The following ARHGEF28 variants were observed in gnomAD, a reference collection of about 807,000 sequenced individuals.
The protein encoded by ARHGEF28 is 190 kDa guanine nucleotide exchange factor.
A neutral mutation model predicts 206.6 loss-of-function variants in ARHGEF28; 152 were observed. The observed-to-expected ratio is 0.74, with a 90% confidence interval of 0.64 to 0.84. ARHGEF28 has a LOEUF of 0.84. ARHGEF28 is among the 40% of genes least tolerant of loss of function. The pLI, the probability that ARHGEF28 is intolerant of heterozygous loss-of-function variation, is 0.00. For missense variants in ARHGEF28, 2,028 were observed against 2,073.2 expected, an observed-to-expected ratio of 0.98 and a Z score of 0.42; for synonymous variants, 763 against 776.4, an observed-to-expected ratio of 0.98 and a Z score of 0.29.
At chr5:73,842,592 G>C (rs1366738409) in intron 11 of ARHGEF28, among the ~76,000 whole-genome samples, 1 of 152,110 alleles carries the variant, frequency 6.6e-6, no homozygotes, top group African/African-American at 2.4e-5. Flanking sequence ...CGTCTGCTTG[G>C]GACAAGAGAC....
Position 73,940,999 on chromosome 5 carries a change from ATTG to A in ARHGEF28, c.5107_5109del (p.Val1703del). 6.6e-7 allele frequency: 1 copy of A among 1,516,190 alleles called. No individual in the cohort carries two copies. The highest frequency in any genetic ancestry group is 8.8e-7 in the Non-Finnish European group (1 of 1,140,924). The allele number at this position is 1,516,190 out of a possible 1,614,324, so 93.9% of individuals were successfully genotyped here. On this transcript the variant is annotated inframe_deletion, in exon 36 of 36. Coordinates refer to ENST00000513042, the MANE Select transcript of ARHGEF28 (RefSeq NM_001177693.2). ...AACTGGAGATGGAGCCAAAGAAAAT[ATTG>A]TTTACCTCTAATTGTGTTGTCATTT... is the stretch of plus-strand genomic sequence containing the variant.
chr5:73,658,067 A>G (rs1745332014), intron 1 of ARHGEF28, among the ~76,000 whole-genome samples: 1 of 152,086 alleles, frequency 6.6e-6, no homozygotes, highest in Admixed American at 6.5e-5. Context: ...AACAGAGTCC[A>G]TCCAATGCTT....
At chr5:73,723,081 T>A (rs1750057333) in intron 2 of ARHGEF28, among the ~76,000 whole-genome samples, 1 of 152,260 alleles carries the variant, frequency 6.6e-6, no homozygotes, top group African/African-American at 2.4e-5. Context: ...CTGAAAGAGA[T>A]TAATGTAATT....
At chr5:73,794,575 A>G (rs1428965676) in intron 8 of ARHGEF28, 121 bp downstream of exon 8, 1 of 823,616 alleles carries the variant, frequency 1.2e-6, no homozygotes, top group African/African-American at 1.8e-5. Context: ...AGTCACTTTC[A>G]GAATAATGTG....
rs377500894 is a variant in ARHGEF28, at chr5:73,774,032, T to C, written c.653T>C (p.Val218Ala). 24 of 1,589,322 alleles carry C rather than the reference T, an allele frequency of 1.5e-5. No homozygotes were observed. The African/African-American group carries it at 3.0e-4, about 20-fold the overall frequency. ...REGHSKLVED[V>A]TNFQGRWSPS... ...GGACACTCCAAGCTGGTGGAAGACG[T>C]CACAAAGTGAGTTTAGCTACTTGAT... is the stretch of plus-strand genomic sequence containing the variant. Residue 218 changes from valine to alanine, a missense_variant, in exon 5 of 36, where the codon GTC becomes GCC. Val to Ala is a moderately conservative substitution (Grantham distance 64, BLOSUM62 0). Coordinates refer to ENST00000513042, the MANE Select transcript of ARHGEF28 (RefSeq NM_001177693.2).
At chr5:73,869,987 A>C (rs557030952) in intron 20 of ARHGEF28, 82 bp from the exon 21 acceptor site, 1 of 1,475,842 alleles carries the variant, frequency 6.8e-7, no homozygotes, top group Admixed American at 2.1e-5. Flanking sequence ...ATTTAGGGTG[A>C]GGAATCCATA....
At chr5:73,831,425 T>C (rs1396372340) in intron 9 of ARHGEF28, among the ~76,000 whole-genome samples, 3 of 152,224 alleles carry the variant, frequency 2.0e-5, no homozygotes, top group African/African-American at 4.8e-5. Flanking sequence ...CCTCATCTAT[T>C]TGGAACAAAG....
intron 22 of ARHGEF28, 80 bp downstream of exon 22, chr5:73,873,326 A>T (rs1191070574): frequency 1.4e-6 from 2 of 1,418,022 alleles, no homozygotes; most frequent in Non-Finnish European, 1.9e-6. Flanking sequence ...CAACAAGAGT[A>T]AAAAAAATGA....
intron 4 of ARHGEF28, among the ~76,000 whole-genome samples, chr5:73,770,692 C>A (rs1030615787): frequency 6.6e-6 from 1 of 152,168 alleles, no homozygotes; most frequent in Non-Finnish European, 1.5e-5. Flanking sequence ...CTGTTTGCCT[C>A]GCTCTGCACT....
chr5:73,690,093 G>A (rs543414552), intron 2 of ARHGEF28, among the ~76,000 whole-genome samples: 2 of 152,024 alleles, frequency 1.3e-5, no homozygotes, highest in African/African-American at 4.8e-5. Flanking sequence ...GTTGCCGTGA[G>A]AAAGTAGATA....
At chr5:73,788,708 T>A (rs1754299176) in intron 7 of ARHGEF28, among the ~76,000 whole-genome samples, 1 of 152,154 alleles carries the variant, frequency 6.6e-6, no homozygotes, top group Non-Finnish European at 1.5e-5. Context: ...GCGTGTTTTA[T>A]CAAATTGTCA....
rs564025417 is a variant in ARHGEF28, at chr5:73,688,629, T to C, written c.33+3745T>C. ...AATATCCAAAGATTGGATTGTTTTT[T>C]TCTTTTTGGGGAGAGAGGAGGGTTG... On this transcript the variant is annotated intron_variant, in intron 2 of 35. Transcript: ENST00000513042. 6.8e-4 allele frequency among the ~76,000 whole-genome samples: 104 copies of C among 152,324 alleles called. 1 individual carries two copies. Among genetic ancestry groups the C allele is most frequent in the African/African-American group, 2.3e-3 (96 of 41,580 alleles).
rs762375128 is a variant in ARHGEF28 at position 73,752,963 on chromosome 5, A to G, written c.236A>G (p.Tyr79Cys). The change falls in exon 4 of 36, where the codon TAC becomes TGC. Residue 79 changes from tyrosine to cysteine, a missense_variant. Transcript: ENST00000513042. ...TCTGTGTGCCTCTGCTCGGAAGGTT[A>G]CTCTCCGGTGACCATGGGCTCTGGC... ...TVSVCLCSEG[Y>C]SPVTMGSGSV... 1 of 1,613,490 alleles carries G rather than the reference A, an allele frequency of 6.2e-7. No individual in the cohort carries two copies. The highest frequency in any genetic ancestry group is 8.5e-7 in the Non-Finnish European group (1 of 1,179,766).
At chr5:73,728,225 G>A (rs1388601837) in intron 2 of ARHGEF28, among the ~76,000 whole-genome samples, 3 of 152,180 alleles carry the variant, frequency 2.0e-5, no homozygotes, top group Admixed American at 1.3e-4. Context: ...ACAAAGTAGA[G>A]CATTGCTTGT....
chr5:73,639,558 A>G (rs1191501058), intron 1 of ARHGEF28, among the ~76,000 whole-genome samples: 1 of 152,142 alleles, frequency 6.6e-6, no homozygotes, highest in Non-Finnish European at 1.5e-5. Context: ...ATTGTTAGCC[A>G]TAGTCTCTTT....
chr5:73,892,308 A>G, intron 27 of ARHGEF28, 78 bp downstream of exon 27: 2 of 1,473,738 alleles, frequency 1.4e-6, no homozygotes, highest in Non-Finnish European at 1.8e-6. Flanking sequence ...GTCTTCCTGC[A>G]TGAAAACTTT....
intron 1 of ARHGEF28, among the ~76,000 whole-genome samples, chr5:73,629,719 T>C (rs865921826): frequency 6.6e-6 from 1 of 152,206 alleles, no homozygotes; most frequent in Non-Finnish European, 1.5e-5. Flanking sequence ...CATTTTTTAA[T>C]GAGAGAAAGT....
chr5:73,732,240 C>T (rs1750664987), intron 2 of ARHGEF28, among the ~76,000 whole-genome samples: 1 of 152,136 alleles, frequency 6.6e-6, no homozygotes. Context: ...ACCTACCAAC[C>T]CTTGGCAACC....
chr5:73,855,470 G>T (rs552781130), intron 14 of ARHGEF28, among the ~76,000 whole-genome samples: 1 of 152,156 alleles, frequency 6.6e-6, no homozygotes, highest in African/African-American at 2.4e-5. Flanking sequence ...GGTGGCTCAC[G>T]TTTTTAATCC....
Sources: allele counts gnomAD v4.1 joint callset (sites outside exome capture counted in the v4.1 genomes callset), GRCh38; gene constraint gnomAD v4.1.1; transcripts MANE v1.5; gene names NCBI Gene and HGNC (gene_info 2026-07-23, HGNC 2026-07-21).